CDKAL1: variants seen among roughly 807,000 people sequenced by gnomAD.
The protein encoded by CDKAL1 is CDKAL1 threonylcarbamoyladenosine tRNA methylthiotransferase, also known as threonylcarbamoyladenosine tRNA methylthiotransferase.
Under a neutral mutation model 68.2 loss-of-function variants are expected in CDKAL1, and 32 were observed. The ratio of observed to expected loss-of-function variants is 0.47; its 90% CI spans 0.35 to 0.63. The LOEUF (loss-of-function observed/expected upper bound fraction) is 0.63, where lower values mean the gene tolerates loss of function less well. CDKAL1 is among the 30% of genes least tolerant of loss of function. The probability of loss-of-function intolerance (pLI) is 0.00; values close to 1 mark genes in which losing one functional copy is unlikely to be tolerated. For synonymous variants in CDKAL1, 234 were observed against 244.3 expected, an observed-to-expected ratio of 0.96 and a Z score of 0.39; for missense variants, 606 against 696.7, an observed-to-expected ratio of 0.87 and a Z score of 1.47.
At chr6:20,617,886 A>G (rs1396722930) in intron 4 of CDKAL1, among the ~76,000 whole-genome samples, 2 of 152,178 alleles carry the variant, frequency 1.3e-5, no homozygotes, top group Non-Finnish European at 2.9e-5. Flanking sequence ...ATACATGTAC[A>G]TGTGTCTTTA....
At chr6:20,819,831 TTTATTTTTATTTA>T (rs1276019266) in intron 8 of CDKAL1, among the ~76,000 whole-genome samples, 1 of 151,928 alleles carries the variant, frequency 6.6e-6, no homozygotes, top group African/African-American at 2.4e-5. Context: ...TTGTTAAATA[TTTATTTTTATTTA>T]TTATTTTTAT....
At chr6:20,887,551 C>T (rs1761130717) in intron 9 of CDKAL1, among the ~76,000 whole-genome samples, 1 of 150,172 alleles carries the variant, frequency 6.7e-6, no homozygotes, top group South Asian at 2.1e-4. Context: ...GTAAAAGAAG[C>T]ATTACACAAA....
intron 4 of CDKAL1, chr6:20,559,642 A>C (rs1055706978): frequency 6.6e-6 from 1 of 152,198 alleles, no homozygotes; most frequent in African/African-American, 2.4e-5. Flanking sequence ...TAATTGTATT[A>C]ATTTTTGTGA....
At chr6:20,767,526 A>T (rs1287617344) in intron 7 of CDKAL1, among the ~76,000 whole-genome samples, 1 of 152,150 alleles carries the variant, frequency 6.6e-6, no homozygotes, top group Non-Finnish European at 1.5e-5. Flanking sequence ...AGTCAAGTGA[A>T]AACTGGCACC....
At chr6:20,869,502 G>A (rs923448358) in intron 9 of CDKAL1, among the ~76,000 whole-genome samples, 3 of 152,060 alleles carry the variant, frequency 2.0e-5, no homozygotes, top group South Asian at 4.1e-4. Flanking sequence ...ACAAAAACTT[G>A]TTTATTAGTG....
chr6:20,978,517 T>A (rs189397206), intron 10 of CDKAL1, among the ~76,000 whole-genome samples: 1 of 152,216 alleles, frequency 6.6e-6, no homozygotes, highest in African/African-American at 2.4e-5. Context: ...CGCAAAATAC[T>A]ATGTGAAAAA....
intron 11 of CDKAL1, among the ~76,000 whole-genome samples, chr6:21,013,839 A>G (rs1768152740): frequency 6.6e-6 from 1 of 152,206 alleles, no homozygotes; most frequent in Non-Finnish European, 1.5e-5. Flanking sequence ...TCAATGACCA[A>G]AAACATAAAA....
chr6:20,820,326 T>C (rs1339170758), intron 8 of CDKAL1, among the ~76,000 whole-genome samples: 1 of 152,168 alleles, frequency 6.6e-6, no homozygotes, highest in East Asian at 1.9e-4. Flanking sequence ...AAACACTTAA[T>C]GAACACCTAT....
chr6:20,829,943 G>T (rs759874437), intron 8 of CDKAL1, among the ~76,000 whole-genome samples: 2 of 152,130 alleles, frequency 1.3e-5, no homozygotes, highest in Admixed American at 1.3e-4. Context: ...TGTAACCTCC[G>T]CCTCCTGGGT....
chr6:21,057,354 A>G (rs56163043), intron 11 of CDKAL1, among the ~76,000 whole-genome samples: 28,952 of 150,912 alleles, frequency 0.19, 2,871 homozygotes, highest in Middle Eastern at 0.24. Flanking sequence ...ATTTTTTTGC[A>G]GTCAGTGGTG....
chr6:20,750,223 A>G (rs1351907260), intron 6 of CDKAL1, among the ~76,000 whole-genome samples: 1 of 151,992 alleles, frequency 6.6e-6, no homozygotes. Flanking sequence ...CTGCAGGCAC[A>G]TGCCACCACA....
At chr6:20,821,635 TG>T (rs11304808) in intron 8 of CDKAL1, among the ~76,000 whole-genome samples, 145,925 of 152,216 alleles carry the variant, frequency 0.96, 69,958 homozygotes, top group East Asian at 1. Context: ...CCAGATGCTT[TG>T]GAACAGAGCC....
chr6:20,936,654 T>C (rs1763733716), intron 9 of CDKAL1, among the ~76,000 whole-genome samples: 1 of 152,114 alleles, frequency 6.6e-6, no homozygotes, highest in South Asian at 2.1e-4. Flanking sequence ...ATGACACGCT[T>C]CAGGATGTGG....
intron 6 of CDKAL1, among the ~76,000 whole-genome samples, chr6:20,742,892 T>C (rs1400633336): frequency 1.3e-5 from 2 of 152,100 alleles, no homozygotes; most frequent in African/African-American, 4.8e-5. Flanking sequence ...TGACTTTTTA[T>C]ATATGAAAAT....
At chr6:20,749,024 T>G (rs1254035805) in intron 6 of CDKAL1, among the ~76,000 whole-genome samples, 1 of 152,086 alleles carries the variant, frequency 6.6e-6, no homozygotes, top group African/African-American at 2.4e-5. Flanking sequence ...ATGTATTCAC[T>G]TCTTTTACTC....
chr6:21,153,980 G>C (rs564892759), intron 13 of CDKAL1, among the ~76,000 whole-genome samples: 2 of 152,220 alleles, frequency 1.3e-5, no homozygotes, highest in East Asian at 3.9e-4. Context: ...ATGACATCTG[G>C]GTCTCATAGA....
intron 9 of CDKAL1, among the ~76,000 whole-genome samples, chr6:20,879,823 A>G (rs377220501): frequency 4.5e-4 from 68 of 152,250 alleles, no homozygotes; most frequent in South Asian, 2.1e-3. Context: ...AGGGAATCCA[A>G]TCTCCCAAAC....
At chr6:20,619,961 C>T (rs1241818126) in intron 4 of CDKAL1, among the ~76,000 whole-genome samples, 3 of 152,202 alleles carry the variant, frequency 2.0e-5, no homozygotes, top group Admixed American at 6.5e-5. Flanking sequence ...TAACTCACAC[C>T]TCTCTTCTTT....
chr6:20,937,664 C>A (rs1249848755), intron 9 of CDKAL1, among the ~76,000 whole-genome samples: 1 of 152,170 alleles, frequency 6.6e-6, no homozygotes, highest in African/African-American at 2.4e-5. Context: ...TTTTATAGCA[C>A]CTCTCTCACT....
Sources: gnomAD v4.1 joint callset for allele counts (sites outside exome capture counted in the v4.1 genomes callset) on GRCh38, gnomAD v4.1.1 for gene constraint, MANE v1.5 for transcripts, NCBI Gene and HGNC (gene_info 2026-07-23, HGNC 2026-07-21) for gene names.